The following GIPC1 variants were observed in gnomAD, a reference collection of about 807,000 sequenced individuals.
GIPC1 encodes GIPC PDZ domain containing family member 1.
Under a neutral mutation model 28.5 loss-of-function variants are expected in GIPC1, and 15 were observed. The observed-to-expected ratio is 0.53, with a 90% CI of 0.35 to 0.81. The LOEUF (loss-of-function observed/expected upper bound fraction) is 0.81. GIPC1 is among the 30% of genes least tolerant of loss of function. The pLI is 0.01. For missense variants in GIPC1, 439 were observed against 481.9 expected, an observed-to-expected ratio of 0.91 and a Z score of 0.83; for synonymous variants, 224 against 206.1, an observed-to-expected ratio of 1.09 and a Z score of -0.74.
In GIPC1 at chr19:14,482,782, G is replaced by C. The variant is rs200239891; in HGVS notation, c.195C>G (p.Ala65=). The C allele has an allele frequency of 2.1e-5, 34 of 1,609,568 alleles. No individual in the cohort carries two copies. In the African/African-American group the frequency reaches 3.9e-4, roughly 18 times the overall value. Residue 65 remains alanine (A), a synonymous_variant, in exon 4 of 9, where the codon GCC becomes GCG. Coordinates refer to ENST00000393033, the MANE Select transcript of GIPC1 (RefSeq NM_005716.4). Reference sequence around the variant, plus strand: ...CGATGCGGCCAGTGGGACTGCCATGGGCCAGCTGGGTGTGGAACACGAGGC... The same window carrying C: ...CGATGCGGCCAGTGGGACTGCCATGCGCCAGCTGGGTGTGGAACACGAGGC... ...RPRLVFHTQL[A]HGSPTGRIEG... is the part of the protein sequence containing the mutation.
At position 14,478,383 on chromosome 19, in the gene GIPC1, C is replaced by T. The variant is rs1235525703; in HGVS notation, c.*33G>A. On this transcript the variant is annotated 3_prime_UTR_variant, in exon 9 of 9. Transcript: ENST00000393033. This position sits in a 1 kb window ranked among gnomAD's most constrained non-coding sequence, Gnocchi z 5.2. ...TGCTGGGGGCCCCCACCAGGTTGCG[C>T]CCGGGTCATCATCGCAGGGTCCGGG... 2 of 1,570,040 alleles carry T rather than the reference C, an allele frequency of 1.3e-6. No individual in the cohort carries two copies. Among genetic ancestry groups the T allele is most frequent in the Admixed American group, 3.6e-5 (2 of 54,798 alleles).
intron 3 of GIPC1, among the ~76,000 whole-genome samples, chr19:14,486,927 C>T (rs570531597): frequency 3.3e-5 from 5 of 151,926 alleles, no homozygotes; most frequent in South Asian, 2.1e-4. Context: ...TGAGCCACCG[C>T]GCCCGGCCCG....
intron 3 of GIPC1, among the ~76,000 whole-genome samples, chr19:14,487,477 G>A (rs1053124646): frequency 2.0e-5 from 3 of 150,540 alleles, no homozygotes; most frequent in South Asian, 2.1e-4. Context: ...CTCGTGATTC[G>A]CTCGCCTCAG....
rs929079391 is a variant in GIPC1 at position 14,480,062 on chromosome 19, G to A, written c.655+243C>T. 44 of 590,196 alleles carry A rather than the reference G, an allele frequency of 7.5e-5. 2 individuals carry two copies. In the South Asian group the frequency reaches 8.2e-4, roughly 11 times the overall value. 36.6% of individuals were successfully genotyped at this position (590,196 alleles called of 1,614,324 possible). A position where few individuals can be genotyped will look rare whatever the true frequency, so the allele number is the denominator to read the frequency against. On this transcript the variant is annotated intron_variant, in intron 6 of 8. Coordinates refer to ENST00000393033, the MANE Select transcript of GIPC1 (RefSeq NM_005716.4). Reference sequence around the variant, plus strand: ...GGCCAGGGCTGAGGGCGCTTGGCTGGGCTAATGGCCCCTGGAAGCTAGGTG... The same window carrying A: ...GGCCAGGGCTGAGGGCGCTTGGCTGAGCTAATGGCCCCTGGAAGCTAGGTG...
At chr19:14,489,557 T>C (rs759539537) in intron 3 of GIPC1, 13 of 976,474 alleles carry the variant, frequency 1.3e-5, no homozygotes, top group East Asian at 1.2e-4. Context: ...CAGAAAAATA[T>C]TGGAATGGTG....
Position 14,496,074 on chromosome 19 carries a change from G to GCCGCCGCCGCCGCCGCCGC in GIPC1, c.-213_-212insGCGGCGGCGGCGGCGGCGG, listed in dbSNP as rs1348898275. ...CGCCGCCGCCGCCGCCGCCGCCGCC[G>GCCGCCGCCGCCGCCGCCGC]CTGCCTCCGCCTCCCCGTGCGCACC... is the stretch of plus-strand genomic sequence containing the variant. On this transcript the variant is annotated 5_prime_UTR_variant, in exon 1 of 9. Transcript: ENST00000393033. 4 of 240,540 alleles carry GCCGCCGCCGCCGCCGCCGC rather than the reference G, an allele frequency of 1.7e-5. No individual in the cohort carries two copies. The highest frequency in any genetic ancestry group is 2.3e-4 in the East Asian group (2 of 8,824). The allele number at this position is 240,540 out of a possible 1,614,324, so 14.9% of individuals were successfully genotyped here. A position where few individuals can be genotyped will look rare whatever the true frequency, so the allele number is the denominator to read the frequency against.
intron 3 of GIPC1, among the ~76,000 whole-genome samples, chr19:14,485,749 A>T (rs1372390825): frequency 6.8e-6 from 1 of 146,570 alleles, no homozygotes; most frequent in Non-Finnish European, 1.5e-5. Context: ...AGACAGAGAG[A>T]GGGAGAGAGA....
At chr19:14,489,245 G>A in intron 3 of GIPC1, 1 of 629,384 alleles carries the variant, frequency 1.6e-6, no homozygotes, top group Non-Finnish European at 2.9e-6. Context: ...GATAAGGTTT[G>A]CCCCATTGAA....
At chr19:14,495,258 T>G (rs1186316925) in intron 1 of GIPC1, among the ~76,000 whole-genome samples, 1 of 151,464 alleles carries the variant, frequency 6.6e-6, no homozygotes. Context: ...CAGCTTCCTG[T>G]TTGAGTGGCT....
Position 14,478,234 on chromosome 19 carries a change from A to G in GIPC1, c.*182T>C, listed in dbSNP as rs757006886. On this transcript the variant is annotated 3_prime_UTR_variant, in exon 9 of 9. Coordinates refer to ENST00000393033, the MANE Select transcript of GIPC1 (RefSeq NM_005716.4). The surrounding 1 kb of genome is among the most constrained non-coding windows in gnomAD (Gnocchi z 5.2). ...GCCGGGGACCCCGGCCAGACTGGGA[A>G]CCAGGGAGGGGATGGTACCGATTGG... 6.3e-5 allele frequency: 38 copies of G among 603,688 alleles called. No individual in the cohort carries two copies. The highest frequency in any genetic ancestry group is 1.0e-4 in the Non-Finnish European group (36 of 355,880). 37.4% of individuals were successfully genotyped at this position (603,688 alleles called of 1,614,324 possible).
At chr19:14,484,814 T>C (rs2071801197) in intron 3 of GIPC1, among the ~76,000 whole-genome samples, 1 of 151,890 alleles carries the variant, frequency 6.6e-6, no homozygotes, top group Non-Finnish European at 1.5e-5. Context: ...TTGCCCAGAG[T>C]GATCTCAAAC....
At chr19:14,490,616 G>C in intron 3 of GIPC1, among the ~76,000 whole-genome samples, 1 of 151,664 alleles carries the variant, frequency 6.6e-6, no homozygotes, top group South Asian at 2.1e-4. Flanking sequence ...GGCAGAGGTT[G>C]AGGTGAGCTG....
chr19:14,483,230 C>T (rs995052221), intron 3 of GIPC1: 23 of 460,862 alleles, frequency 5.0e-5, no homozygotes, highest in East Asian at 1.1e-4. Context: ...CTGAGGTGGG[C>T]GGATCACTTG....
At chr19:14,483,054 G>T in intron 3 of GIPC1, 48 bp from the exon 4 acceptor site, 1 of 1,369,974 alleles carries the variant, frequency 7.3e-7, no homozygotes, top group Non-Finnish European at 1.0e-6. Flanking sequence ...GGCCTTGGGT[G>T]CCCCTCCCAC....
At chr19:14,486,528 T>C (rs1222136662) in intron 3 of GIPC1, among the ~76,000 whole-genome samples, 1 of 152,050 alleles carries the variant, frequency 6.6e-6, no homozygotes, top group Non-Finnish European at 1.5e-5. Flanking sequence ...ACATTTGATA[T>C]GGTGGCGACT....
At chr19:14,487,149 G>A (rs973889608) in intron 3 of GIPC1, among the ~76,000 whole-genome samples, 1 of 152,012 alleles carries the variant, frequency 6.6e-6, no homozygotes, top group African/African-American at 2.4e-5. Context: ...AATTCGGTCT[G>A]TGCACTGCCT....
chr19:14,494,042 C>T (rs2072025186), intron 1 of GIPC1, among the ~76,000 whole-genome samples: 1 of 152,104 alleles, frequency 6.6e-6, no homozygotes, highest in Non-Finnish European at 1.5e-5. Flanking sequence ...TCACTGCAAC[C>T]TCCGCCTCCC....
rs371912693 is a variant in GIPC1 at position 14,489,664 on chromosome 19, C to T, written c.-31+1992G>A. ...AAACCCATGTCCTCTCTCCATAGGG[C>T]CTGTTTTACTATGATGTAAAAATTA... On this transcript the variant is annotated intron_variant, in intron 3 of 8. Transcript: ENST00000393033. The T allele has an allele frequency of 4.8e-6, 4 of 841,128 alleles. No individual in the cohort carries two copies. The African/African-American group carries it at 5.0e-5, about 11-fold the overall frequency. The allele number at this position is 841,128 out of a possible 1,614,324, so 52.1% of individuals were successfully genotyped here.
chr19:14,481,719 C>CAAAAAAAAA (rs58761750), intron 4 of GIPC1: 4 of 87,412 alleles, frequency 4.6e-5, no homozygotes, highest in African/African-American at 1.2e-4. Context: ...GACTCCATCT[C>CAAAAAAAAA]AAAAAAAAAA....
Sources: gnomAD v4.1 joint callset for allele counts (sites outside exome capture counted in the v4.1 genomes callset) on GRCh38, gnomAD v4.1.1 for gene constraint, Gnocchi (gnomAD v3.1) non-coding constraint, MANE v1.5 for transcripts, NCBI Gene and HGNC (gene_info 2026-07-23, HGNC 2026-07-21) for gene names.